Variants in GPHN observed in about 807,000 individuals in gnomAD.
The protein encoded by GPHN is gephyrin.
Under a neutral mutation model 95.5 loss-of-function variants are expected in GPHN, and 17 were observed. The ratio of observed to expected loss-of-function variants is 0.18; its 90% CI spans 0.12 to 0.27. The LOEUF (loss-of-function observed/expected upper bound fraction) is 0.27. Ranked by LOEUF, GPHN falls within the 10% of genes least tolerant of loss-of-function variation. The probability of loss-of-function intolerance (pLI) is 1.00; values close to 1 mark genes in which losing one functional copy is unlikely to be tolerated. For synonymous variants in GPHN, 320 were observed against 322.5 expected, an observed-to-expected ratio of 0.99 and a Z score of 0.08; for missense variants, 660 against 978.1, an observed-to-expected ratio of 0.67 and a Z score of 4.34.
intron 18 of GPHN, among the ~76,000 whole-genome samples, chr14:67,150,365 C>T (rs1050348877): frequency 2.2e-5 from 3 of 135,100 alleles, no homozygotes; most frequent in South Asian, 2.5e-4. Context: ...GGCGTGAACC[C>T]GGGAGGCGGA....
At chr14:66,535,600 A>AT (rs1306546971) in intron 1 of GPHN, among the ~76,000 whole-genome samples, 1 of 152,138 alleles carries the variant, frequency 6.6e-6, no homozygotes, top group Non-Finnish European at 1.5e-5. Flanking sequence ...ATGAACATGG[A>AT]TTATCTATCC....
At chr14:67,226,419 G>A in the GPHN span, among the ~76,000 whole-genome samples, 2 of 152,154 alleles carry the variant, frequency 1.3e-5, no homozygotes, top group African/African-American at 2.4e-5. Context: ...GGAGTGCAGT[G>A]GCACAATCTT....
the GPHN span, among the ~76,000 whole-genome samples, chr14:67,637,410 C>CAA: frequency 0.19 from 18,995 of 102,334 alleles, 2,255 homozygotes; most frequent in Non-Finnish European, 0.25. Flanking sequence ...GACTCTGTCT[C>CAA]AAAAAAAAAA....
intron 4 of GPHN, among the ~76,000 whole-genome samples, chr14:66,826,469 T>C (rs2061390112): frequency 1.3e-5 from 2 of 152,140 alleles, no homozygotes; most frequent in South Asian, 2.1e-4. Context: ...TTAAGGGCTG[T>C]GTCCACAAGA....
chr14:66,874,422 A>G (rs2063566392), intron 4 of GPHN, among the ~76,000 whole-genome samples: 1 of 152,200 alleles, frequency 6.6e-6, no homozygotes, highest in African/African-American at 2.4e-5. Context: ...AAATTGACAG[A>G]AGTAGGCTTC....
At chr14:66,837,362 C>G (rs1430227298) in intron 4 of GPHN, among the ~76,000 whole-genome samples, 70 of 144,692 alleles carry the variant, frequency 4.8e-4, no homozygotes, top group African/African-American at 1.7e-3. Context: ...CCAAACACCG[C>G]ATGTTCTCAC....
chr14:67,410,245 C>G, the GPHN span, among the ~76,000 whole-genome samples: 1 of 151,966 alleles, frequency 6.6e-6, no homozygotes, highest in Non-Finnish European at 1.5e-5. Context: ...GGAAGGTAAC[C>G]CCCAGGAACA....
intron 4 of GPHN, among the ~76,000 whole-genome samples, chr14:66,835,602 T>C (rs890694590): frequency 4.6e-4 from 70 of 151,780 alleles, no homozygotes; most frequent in Middle Eastern, 3.4e-3. Flanking sequence ...CCAGGGCAAT[T>C]AGGCAGGAGA....
the GPHN span, chr14:67,600,150 C>A: frequency 6.3e-7 from 1 of 1,592,930 alleles, no homozygotes; most frequent in Non-Finnish European, 8.5e-7. Flanking sequence ...AGTAGCGGCG[C>A]TGCAGCGCCA....
the GPHN span, among the ~76,000 whole-genome samples, chr14:67,418,344 T>C: frequency 6.6e-6 from 1 of 152,200 alleles, no homozygotes. Flanking sequence ...GTGTTCTCTC[T>C]TCCTGTGATG....
the GPHN span, among the ~76,000 whole-genome samples, chr14:67,222,539 G>C: frequency 2.0e-5 from 3 of 152,180 alleles, no homozygotes; most frequent in African/African-American, 7.2e-5. Flanking sequence ...GCCTCCCAAA[G>C]TGCTGGGATT....
At chr14:67,075,954 A>G (rs1307615832) in intron 11 of GPHN, among the ~76,000 whole-genome samples, 2 of 152,258 alleles carry the variant, frequency 1.3e-5, no homozygotes, top group Admixed American at 1.3e-4. Context: ...TAGTTGGTAA[A>G]GTAGTGACAG....
the GPHN span, among the ~76,000 whole-genome samples, chr14:67,192,859 GAT>G: frequency 0.027 from 3,819 of 142,198 alleles, 159 homozygotes; most frequent in African/African-American, 0.091. Flanking sequence ...TAGATATACA[GAT>G]ATATATAGAT....
At chr14:67,189,451 G>C in the GPHN span, 1 of 152,170 alleles carries the variant, frequency 6.6e-6, no homozygotes. Context: ...GTTGCCTGCT[G>C]AGTAGACATA....
chr14:66,788,551 C>T (rs2059863883), intron 3 of GPHN, among the ~76,000 whole-genome samples: 1 of 152,222 alleles, frequency 6.6e-6, no homozygotes, highest in African/African-American at 2.4e-5. Context: ...AACATCATTT[C>T]ACATTTGACA....
At chr14:66,728,553 C>G (rs1008978572) in intron 2 of GPHN, among the ~76,000 whole-genome samples, 10 of 152,206 alleles carry the variant, frequency 6.6e-5, no homozygotes, top group Non-Finnish European at 1.2e-4. Flanking sequence ...AATGTGAGAC[C>G]TGGAGTCAAA....
the GPHN span, chr14:67,674,585 G>T: frequency 8.8e-6 from 9 of 1,027,224 alleles, no homozygotes; most frequent in African/African-American, 1.7e-5. Context: ...GGCCATAACG[G>T]CGACCGCCGC....
the GPHN span, among the ~76,000 whole-genome samples, chr14:67,629,442 T>A: frequency 3.7e-3 from 570 of 152,292 alleles, 2 homozygotes; most frequent in African/African-American, 0.013. Flanking sequence ...AAAGGACAAA[T>A]ACAGCATGAT....
the GPHN span, among the ~76,000 whole-genome samples, chr14:67,442,818 T>C: frequency 2.0e-5 from 3 of 152,206 alleles, no homozygotes; most frequent in African/African-American, 4.8e-5. Flanking sequence ...AGGACGAACA[T>C]GTGACCTTAG....
Sources: allele counts gnomAD v4.1 joint callset (sites outside exome capture counted in the v4.1 genomes callset), GRCh38; gene constraint gnomAD v4.1.1; transcripts MANE v1.5; gene names NCBI Gene and HGNC (gene_info 2026-07-23, HGNC 2026-07-21).